FAM184A: variants seen among roughly 807,000 people sequenced by gnomAD.
FAM184A encodes protein FAM184A.
In FAM184A, 99 loss-of-function variants were observed where a neutral mutation model predicts 143.8. The ratio of observed to expected loss-of-function variants is 0.69; its 90% CI spans 0.58 to 0.81. FAM184A has a LOEUF of 0.81. Among genes scored for constraint, FAM184A ranks in the 40% least tolerant of loss-of-function variants. FAM184A has a pLI of 0.00. For synonymous variants in FAM184A, 427 were observed against 446.4 expected, an observed-to-expected ratio of 0.96 and a Z score of 0.55; for missense variants, 1,217 against 1,310.5, an observed-to-expected ratio of 0.93 and a Z score of 1.10.
Position 119,078,336 on chromosome 6 carries a change from CG to C in FAM184A, c.-38del. The C allele has an allele frequency of 7.0e-7, 1 of 1,419,310 alleles. No individual in the cohort carries two copies. The highest frequency in any genetic ancestry group is 1.5e-5 in the South Asian group (1 of 67,874). 87.9% of individuals were successfully genotyped at this position (1,419,310 alleles called of 1,614,324 possible). A position where few individuals can be genotyped will look rare whatever the true frequency, so the allele number is the denominator to read the frequency against. ...ACCCCAGCCGGGGCACCTGTCCCCG[CG>C]GGTGGAGGCAGGCCCGTGGAGCAAC... is the stretch of plus-strand genomic sequence containing the variant. On this transcript the variant is annotated 5_prime_UTR_variant, in exon 1 of 18. Transcript: ENST00000338891. This position sits in a 1 kb window ranked among gnomAD's most constrained non-coding sequence, Gnocchi z 5.5.
chr6:119,049,082 TC>T (rs1367069784), intron 1 of FAM184A, among the ~76,000 whole-genome samples: 1 of 152,078 alleles, frequency 6.6e-6, no homozygotes, highest in African/African-American at 2.4e-5. Flanking sequence ...CAAAGCTGGA[TC>T]CATCACATTA....
chr6:119,008,023 G>T (rs1784978505), intron 6 of FAM184A, among the ~76,000 whole-genome samples: 1 of 151,554 alleles, frequency 6.6e-6, no homozygotes, highest in Non-Finnish European at 1.5e-5. Flanking sequence ...TCTAGAGATA[G>T]AATATTTAAA....
At chr6:119,137,531 G>T (rs760922457) in intron 1 of FAM184A, among the ~76,000 whole-genome samples, 1 of 152,120 alleles carries the variant, frequency 6.6e-6, no homozygotes, top group African/African-American at 2.4e-5. Context: ...CACATTGGGG[G>T]TTAGGGATTC....
chr6:119,063,864 G>A (rs2114773503), intron 1 of FAM184A, among the ~76,000 whole-genome samples: 1 of 152,214 alleles, frequency 6.6e-6, no homozygotes, highest in South Asian at 2.1e-4. Context: ...CCTCATCAGT[G>A]TAGATTTAGC....
chr6:119,076,054 T>C (rs1004768299), intron 1 of FAM184A, among the ~76,000 whole-genome samples: 1 of 152,102 alleles, frequency 6.6e-6, no homozygotes, highest in Non-Finnish European at 1.5e-5. Flanking sequence ...TCAACTACCC[T>C]GCCCGCTCCT....
In FAM184A at chr6:118,964,768, C is replaced by T; in HGVS notation, c.3037G>A (p.Asp1013Asn). The stretch of plus-strand genomic sequence containing the variant: ...AATTCCAGCTGATAAAACTTATTAT[C>T]CTCCTATGCAAAAGAATTATAAACA... The part of the protein sequence containing the change: ...RDQIIKKLIE[D>N]NKFYQLELVN... The change falls in exon 16 of 18, where the codon GAT (aspartate) becomes AAT (asparagine). Residue 1013 changes from aspartate (D) to asparagine (N), a missense_variant. Coordinates refer to ENST00000338891, the MANE Select transcript of FAM184A (RefSeq NM_024581.6). The T allele has an allele frequency of 1.3e-6, 2 of 1,527,064 alleles. No individual in the cohort carries two copies. Among genetic ancestry groups the T allele is most frequent in the South Asian group, 1.1e-5 (1 of 87,674 alleles). 94.6% of individuals were successfully genotyped at this position (1,527,064 alleles called of 1,614,324 possible).
intron 3 of FAM184A, among the ~76,000 whole-genome samples, chr6:119,020,584 T>C (rs1785411621): frequency 6.6e-6 from 1 of 152,216 alleles, no homozygotes; most frequent in East Asian, 1.9e-4. Flanking sequence ...TTCGTTCTTT[T>C]CTAATTTATT....
intron 1 of FAM184A, among the ~76,000 whole-genome samples, chr6:119,055,897 C>T (rs1786954147): frequency 6.6e-6 from 1 of 152,004 alleles, no homozygotes; most frequent in African/African-American, 2.4e-5. Context: ...ACAATCTCCA[C>T]TTTTCTGGGG....
At position 118,964,864 on chromosome 6, in the gene FAM184A, T is replaced by C. The variant is rs544509175; in HGVS notation, c.3034-93A>G. The C allele has an allele frequency of 3.6e-4, 229 of 638,148 alleles. 1 individual carries two copies. Among genetic ancestry groups the C allele is most frequent in the Middle Eastern group, 1.3e-3 (3 of 2,256 alleles). The allele number at this position is 638,148 out of a possible 1,614,324, so 39.5% of individuals were successfully genotyped here. On this transcript the variant is annotated intron_variant, in intron 15 of 17. Transcript: ENST00000338891. ...AAACGCCATTTCATTTAAAATTTAC[T>C]ATAAAACCTGAATGAAGATTTAGAT...
intron 1 of FAM184A, among the ~76,000 whole-genome samples, chr6:119,052,663 A>C (rs1181982281): frequency 6.6e-6 from 1 of 152,182 alleles, no homozygotes; most frequent in Non-Finnish European, 1.5e-5. Context: ...ATCTGATCTG[A>C]TTCCCACTCC....
upstream of FAM184A, among the ~76,000 whole-genome samples, chr6:119,080,130 T>C (rs1328764544): frequency 6.6e-6 from 1 of 152,224 alleles, no homozygotes; most frequent in East Asian, 1.9e-4. Flanking sequence ...CTCAAAAGAC[T>C]CTCTGTTTCA....
chr6:119,128,888 T>A (rs566139337), intron 1 of FAM184A, among the ~76,000 whole-genome samples: 3 of 4,772 alleles, frequency 6.3e-4, no homozygotes, highest in African/African-American at 2.5e-3. Flanking sequence ...CCCTTACTAG[T>A]TTTTTTTTTT....
At chr6:119,136,055 G>A (rs957037957) in intron 1 of FAM184A, among the ~76,000 whole-genome samples, 3 of 149,174 alleles carry the variant, frequency 2.0e-5, no homozygotes, top group Non-Finnish European at 4.5e-5. Flanking sequence ...GAGGCGGGTG[G>A]ATCATGAGGT....
At chr6:119,124,582 A>G (rs548247905) in intron 1 of FAM184A, among the ~76,000 whole-genome samples, 1 of 152,200 alleles carries the variant, frequency 6.6e-6, no homozygotes, top group Non-Finnish European at 1.5e-5. Context: ...AAAATGAGTC[A>G]TGCTGAAATC....
chr6:119,043,343 T>G (rs1786413902), intron 1 of FAM184A, among the ~76,000 whole-genome samples: 1 of 151,906 alleles, frequency 6.6e-6, no homozygotes, highest in Non-Finnish European at 1.5e-5. Context: ...CAGCAAAAAT[T>G]TACTAAAAAT....
At chr6:119,060,018 G>A (rs2114765297) in intron 1 of FAM184A, among the ~76,000 whole-genome samples, 1 of 152,274 alleles carries the variant, frequency 6.6e-6, no homozygotes, top group African/African-American at 2.4e-5. Context: ...AAATCACAGT[G>A]TATATGACTC....
At chr6:119,145,639 T>A (rs1289986896) in intron 1 of FAM184A, among the ~76,000 whole-genome samples, 1 of 152,202 alleles carries the variant, frequency 6.6e-6, no homozygotes, top group Non-Finnish European at 1.5e-5. Context: ...TTTTAAGGCA[T>A]CCATCCTCTG....
chr6:119,071,860 C>CTTTT (rs35786966), intron 1 of FAM184A, among the ~76,000 whole-genome samples: 47 of 94,152 alleles, frequency 5.0e-4, no homozygotes, highest in East Asian at 1.1e-3. Flanking sequence ...AACCTTTAAT[C>CTTTT]TTTTTTTTTT....
At chr6:119,125,204 A>AGTCTGGTCTATGACT (rs1789325633) in intron 1 of FAM184A, among the ~76,000 whole-genome samples, 1 of 152,204 alleles carries the variant, frequency 6.6e-6, no homozygotes, top group East Asian at 1.9e-4. Flanking sequence ...AGCTTTATTA[A>AGTCTGGTCTATGACT]TCAATCAACA....
Sources: gnomAD v4.1 joint callset for allele counts (sites outside exome capture counted in the v4.1 genomes callset) on GRCh38, gnomAD v4.1.1 for gene constraint, Gnocchi (gnomAD v3.1) non-coding constraint, MANE v1.5 for transcripts, NCBI Gene and HGNC (gene_info 2026-07-23, HGNC 2026-07-21) for gene names.